Variants in GRID2 observed in about 807,000 individuals in gnomAD.
GRID2 encodes the protein glutamate ionotropic receptor delta type subunit 2.
A neutral mutation model predicts 114.8 loss-of-function variants in GRID2; 33 were observed. The ratio of observed to expected loss-of-function variants is 0.29; its 90% CI spans 0.22 to 0.38. The LOEUF is 0.38. GRID2 is among the 10% of genes least tolerant of loss of function. GRID2 has a pLI of 1.00. For synonymous variants in GRID2, 505 were observed against 449.9 expected (o/e 1.12, Z -1.55); for missense variants, 1,184 against 1,257.7 (o/e 0.94, Z 0.89).
intron 2 of GRID2, among the ~76,000 whole-genome samples, chr4:92,777,150 A>G (rs1474224241): frequency 6.6e-6 from 1 of 151,580 alleles, no homozygotes; most frequent in African/African-American, 2.4e-5. Context: ...GGAGACTGGT[A>G]AAAATTACCT....
At chr4:93,806,065 C>A (rs1561010524) in intron 1 of GRID2, among the ~76,000 whole-genome samples, 2 of 151,956 alleles carry the variant, frequency 1.3e-5, no homozygotes, top group Non-Finnish European at 2.9e-5. Context: ...CCACAGCACT[C>A]CCGCCTGGGC....
intron 13 of GRID2, among the ~76,000 whole-genome samples, chr4:93,584,515 C>T (rs773442075): frequency 1.3e-5 from 2 of 152,000 alleles, no homozygotes; most frequent in Non-Finnish European, 2.9e-5. Flanking sequence ...CTTCCTTTCT[C>T]TTATTGATTG....
chr4:92,908,845 A>C (rs1204343178), intron 2 of GRID2, among the ~76,000 whole-genome samples: 26 of 152,172 alleles, frequency 1.7e-4, no homozygotes, highest in Admixed American at 1.4e-3. Context: ...GGCTACCTGC[A>C]CTTTCCCTTC....
At chr4:92,674,280 A>G in intron 2 of GRID2, among the ~76,000 whole-genome samples, 1 of 152,006 alleles carries the variant, frequency 6.6e-6, no homozygotes, top group Non-Finnish European at 1.5e-5. Context: ...TGACTGCTTT[A>G]TTGTTCCATG....
intron 13 of GRID2, among the ~76,000 whole-genome samples, chr4:93,556,123 A>C (rs1734293537): frequency 6.6e-6 from 1 of 152,236 alleles, no homozygotes; most frequent in Non-Finnish European, 1.5e-5. Flanking sequence ...ATCAAAGACC[A>C]AAGGTAGTTA....
chr4:92,505,461 C>A (rs1352896137), intron 1 of GRID2, among the ~76,000 whole-genome samples: 2 of 151,882 alleles, frequency 1.3e-5, no homozygotes, highest in Non-Finnish European at 2.9e-5. Context: ...ATATAAAACA[C>A]CTGTTCTTAT....
Position 92,849,284 on chromosome 4 carries a change from A to G in GRID2, c.245-235711A>G, listed in dbSNP as rs376825056. Among the ~76,000 whole-genome samples the G allele has an allele frequency of 1.1e-4, 16 of 152,038 alleles. 1 individual carries two copies. The South Asian group carries it at 1.5e-3, about 14-fold the overall frequency. On this transcript the variant is annotated intron_variant, in intron 2 of 15. Coordinates refer to ENST00000282020, the MANE Select transcript of GRID2 (RefSeq NM_001510.4). ...TACATCAGCAGATGCATTTTTCCTT[A>G]GTACTTGCCTTTATCTGCAGGGCCT...
chr4:92,548,709 T>TAAAGA (rs1176166112), intron 1 of GRID2, among the ~76,000 whole-genome samples: 1 of 151,876 alleles, frequency 6.6e-6, no homozygotes, highest in Non-Finnish European at 1.5e-5. Flanking sequence ...GTGTAATTTC[T>TAAAGA]AAAGAAAAGA....
intron 14 of GRID2, among the ~76,000 whole-genome samples, chr4:93,739,477 T>G (rs1227857315): frequency 6.6e-6 from 1 of 152,116 alleles, no homozygotes; most frequent in Non-Finnish European, 1.5e-5. Context: ...ATTGGCCCAC[T>G]GGATATAAAA....
At chr4:92,822,387 A>T (rs1741350889) in intron 2 of GRID2, 1 of 604,436 alleles carries the variant, frequency 1.7e-6, no homozygotes, top group South Asian at 1.4e-5. Flanking sequence ...TTCAGCTTGC[A>T]GTTAGCCAGA....
intron 14 of GRID2, among the ~76,000 whole-genome samples, chr4:93,633,881 C>T (rs1172956258): frequency 6.6e-6 from 1 of 152,116 alleles, no homozygotes; most frequent in Admixed American, 6.6e-5. Flanking sequence ...TCCAAGCATT[C>T]TGTTCACCAT....
chr4:92,545,649 G>A (rs1726212484), intron 1 of GRID2, among the ~76,000 whole-genome samples: 1 of 152,122 alleles, frequency 6.6e-6, no homozygotes. Flanking sequence ...TCTGTTTTCT[G>A]TCTCTGTATG....
intron 4 of GRID2, among the ~76,000 whole-genome samples, chr4:93,161,675 T>A (rs1023413401): frequency 2.0e-5 from 3 of 151,800 alleles, no homozygotes; most frequent in Non-Finnish European, 4.4e-5. Flanking sequence ...AAATAACAAT[T>A]TTAAAAATGT....
chr4:92,759,148 A>G (rs1441121166), intron 2 of GRID2, among the ~76,000 whole-genome samples: 3 of 152,232 alleles, frequency 2.0e-5, no homozygotes, highest in African/African-American at 7.2e-5. Flanking sequence ...CTATACTAGT[A>G]GAGAGAAGGT....
At chr4:93,638,314 T>A (rs1489968920) in intron 14 of GRID2, among the ~76,000 whole-genome samples, 1 of 87,718 alleles carries the variant, frequency 1.1e-5, no homozygotes, top group Non-Finnish European at 2.4e-5. Context: ...TTTTTTTTTT[T>A]TTTTTAATTA....
intron 2 of GRID2, among the ~76,000 whole-genome samples, chr4:92,713,476 CAT>C (rs10593127): frequency 0.14 from 7,737 of 53,398 alleles, 364 homozygotes; most frequent in East Asian, 0.2. Flanking sequence ...TATACATATA[CAT>C]ATATATATAT....
At chr4:93,756,613 A>G (rs1347750802) in intron 14 of GRID2, among the ~76,000 whole-genome samples, 1 of 152,132 alleles carries the variant, frequency 6.6e-6, no homozygotes, top group East Asian at 1.9e-4. Context: ...GGTCCCTTCA[A>G]ATCAGGTCCC....
At chr4:92,738,308 C>T (rs960998895) in intron 2 of GRID2, among the ~76,000 whole-genome samples, 17 of 152,002 alleles carry the variant, frequency 1.1e-4, no homozygotes, top group Non-Finnish European at 2.5e-4. Flanking sequence ...AGTACTTGTT[C>T]TATGGAGATG....
chr4:92,771,103 A>G (rs899437683), intron 2 of GRID2, among the ~76,000 whole-genome samples: 29 of 152,156 alleles, frequency 1.9e-4, no homozygotes, highest in Middle Eastern at 3.2e-3. Context: ...GTCCTTGAGA[A>G]ACAAAACATA....
Sources: gnomAD v4.1 joint callset for allele counts (sites outside exome capture counted in the v4.1 genomes callset) on GRCh38, gnomAD v4.1.1 for gene constraint, MANE v1.5 for transcripts, NCBI Gene and HGNC (gene_info 2026-07-23, HGNC 2026-07-21) for gene names.